Variants in RASEF observed in about 807,000 individuals in gnomAD.
RASEF encodes ras and EF-hand domain-containing protein.
In RASEF, 68 loss-of-function variants were observed where a neutral mutation model predicts 90.1. The observed-to-expected ratio is 0.75, with a 90% confidence interval of 0.62 to 0.92. The LOEUF (loss-of-function observed/expected upper bound fraction) is 0.92. RASEF is among the 40% of genes least tolerant of loss of function. The probability of loss-of-function intolerance (pLI) is 0.00; values close to 1 mark genes in which losing one functional copy is unlikely to be tolerated. For synonymous variants in RASEF, 331 were observed against 345.2 expected, an observed-to-expected ratio of 0.96 and a Z score of 0.46; for missense variants, 949 against 937.2, an observed-to-expected ratio of 1.01 and a Z score of -0.16.
At chr9:83,111,080 A>G in the RASEF span, among the ~76,000 whole-genome samples, 2 of 152,230 alleles carry the variant, frequency 1.3e-5, no homozygotes, top group Non-Finnish European at 2.9e-5. Flanking sequence ...CACTAAAGAA[A>G]TAACAGTATT....
At chr9:83,217,760 A>G in the RASEF span, among the ~76,000 whole-genome samples, 2 of 152,182 alleles carry the variant, frequency 1.3e-5, no homozygotes, top group Non-Finnish European at 2.9e-5. Context: ...GAACAGACTA[A>G]TACATTCGGT....
Position 83,055,829 on chromosome 9 carries a change from C to A in RASEF, c.431+6608G>T, listed in dbSNP as rs1333614849. 3.4e-5 allele frequency: 20 copies of A among 583,238 alleles called. No homozygotes were observed. The East Asian group carries it at 5.8e-4, about 17-fold the overall frequency. The allele number at this position is 583,238 out of a possible 1,614,324, so 36.1% of individuals were successfully genotyped here. A position where few individuals can be genotyped will look rare whatever the true frequency, so the allele number is the denominator to read the frequency against. Reference sequence around the variant, plus strand: ...GATATATGTAAGGACCCCGAAGGGTCTATGGCTCCCAATTTGAGAAACATT... The same window carrying A: ...GATATATGTAAGGACCCCGAAGGGTATATGGCTCCCAATTTGAGAAACATT... On this transcript the variant is annotated intron_variant, in intron 1 of 16. Transcript: ENST00000376447.
the RASEF span, among the ~76,000 whole-genome samples, chr9:83,170,199 T>C: frequency 2.6e-5 from 4 of 152,190 alleles, no homozygotes; most frequent in South Asian, 8.3e-4. Flanking sequence ...TTCCCCAATG[T>C]ATGTTATTGG....
upstream of RASEF, among the ~76,000 whole-genome samples, chr9:83,067,341 A>C (rs1443045068): frequency 6.6e-6 from 1 of 152,218 alleles, no homozygotes; most frequent in Non-Finnish European, 1.5e-5. Flanking sequence ...ATTCCTAAGG[A>C]AGCTACAGGA....
chr9:83,011,236 G>A (rs1048770156), intron 5 of RASEF, among the ~76,000 whole-genome samples: 1 of 152,112 alleles, frequency 6.6e-6, no homozygotes, highest in African/African-American at 2.4e-5. Context: ...TGGGTGGCAA[G>A]TTTAAAAAAC....
chr9:82,987,919 C>G (rs1001971835), intron 16 of RASEF, among the ~76,000 whole-genome samples: 1 of 152,190 alleles, frequency 6.6e-6, no homozygotes, highest in Non-Finnish European at 1.5e-5. Flanking sequence ...CTCCAATATG[C>G]TGGGGAGCAG....
At chr9:83,045,384 T>G (rs1829910161) in intron 1 of RASEF, among the ~76,000 whole-genome samples, 2 of 152,188 alleles carry the variant, frequency 1.3e-5, no homozygotes, top group Non-Finnish European at 2.9e-5. Context: ...AACCTTAATT[T>G]TAAATATCAT....
At chr9:83,100,094 G>A in the RASEF span, among the ~76,000 whole-genome samples, 1 of 152,162 alleles carries the variant, frequency 6.6e-6, no homozygotes, top group East Asian at 1.9e-4. Flanking sequence ...TGTGTTTGCA[G>A]TTTTGAGTGA....
intron 1 of RASEF, among the ~76,000 whole-genome samples, chr9:83,042,501 G>A (rs191753247): frequency 1.3e-5 from 2 of 152,208 alleles, no homozygotes; most frequent in African/African-American, 4.8e-5. Flanking sequence ...ATAACTCCAT[G>A]TTTTGTGCTT....
the RASEF span, among the ~76,000 whole-genome samples, chr9:83,096,638 TC>T: frequency 1.5e-4 from 23 of 152,170 alleles, no homozygotes; most frequent in African/African-American, 5.3e-4. Context: ...TTTTTTTTTT[TC>T]TTTTATTATA....
the RASEF span, among the ~76,000 whole-genome samples, chr9:83,071,835 A>C: frequency 8.5e-5 from 13 of 152,192 alleles, no homozygotes; most frequent in Admixed American, 2.6e-4. Flanking sequence ...TTATTGCCTC[A>C]GGGTTTTAAG....
chr9:83,081,634 A>T, the RASEF span, among the ~76,000 whole-genome samples: 1 of 152,222 alleles, frequency 6.6e-6, no homozygotes, highest in Admixed American at 6.5e-5. Flanking sequence ...AAATGATTCA[A>T]CCACCGTTGG....
the RASEF span, among the ~76,000 whole-genome samples, chr9:83,143,596 T>A: frequency 1.5e-4 from 23 of 152,242 alleles, no homozygotes; most frequent in African/African-American, 5.5e-4. Flanking sequence ...ACAATAGCCA[T>A]TTTGTGAGAT....
chr9:83,180,737 G>T, the RASEF span, among the ~76,000 whole-genome samples: 1 of 152,034 alleles, frequency 6.6e-6, no homozygotes, highest in Non-Finnish European at 1.5e-5. Flanking sequence ...CCACACCTGG[G>T]TCATGTATCC....
At chr9:83,092,591 A>T in the RASEF span, among the ~76,000 whole-genome samples, 1 of 152,020 alleles carries the variant, frequency 6.6e-6, no homozygotes, top group Non-Finnish European at 1.5e-5. Context: ...CAGCTCTTAA[A>T]AGCAGTGTGG....
the RASEF span, among the ~76,000 whole-genome samples, chr9:83,090,418 T>C: frequency 6.6e-6 from 1 of 152,098 alleles, no homozygotes; most frequent in Admixed American, 6.5e-5. Flanking sequence ...CTTTTTTTTT[T>C]TTTGAGACAG....
At chr9:83,011,514 T>C (rs1052763167) in intron 5 of RASEF, among the ~76,000 whole-genome samples, 3 of 122,608 alleles carry the variant, frequency 2.4e-5, no homozygotes, top group Non-Finnish European at 4.7e-5. Context: ...ATCGTGCCAC[T>C]GTAGTCCAGC....
the RASEF span, among the ~76,000 whole-genome samples, chr9:83,160,355 G>C: frequency 1.3e-5 from 2 of 152,178 alleles, no homozygotes; most frequent in Non-Finnish European, 2.9e-5. Flanking sequence ...TAAGCAACTT[G>C]TTGGGAACTG....
At chr9:83,176,985 G>A in the RASEF span, among the ~76,000 whole-genome samples, 1 of 151,900 alleles carries the variant, frequency 6.6e-6, no homozygotes, top group Non-Finnish European at 1.5e-5. Context: ...TTACTGATTT[G>A]TATTACCATC....
Sources: allele counts gnomAD v4.1 joint callset (sites outside exome capture counted in the v4.1 genomes callset), GRCh38; gene constraint gnomAD v4.1.1; transcripts MANE v1.5; gene names NCBI Gene and HGNC (gene_info 2026-07-23, HGNC 2026-07-21).